GABRG3: variants seen among roughly 807,000 people sequenced by gnomAD.
GABRG3 encodes the protein gamma-aminobutyric acid receptor subunit gamma-3.
Under a neutral mutation model 48.8 loss-of-function variants are expected in GABRG3, and 25 were observed. That is an observed-to-expected ratio of 0.51 (90% CI 0.37 to 0.72). GABRG3 has a LOEUF of 0.72. Among genes scored for constraint, GABRG3 ranks in the 30% least tolerant of loss-of-function variants. The pLI, the probability that GABRG3 is intolerant of heterozygous loss-of-function variation, is 0.00. For synonymous variants in GABRG3, 227 were observed against 217.6 expected (o/e 1.04, Z -0.38); for missense variants, 394 against 577.9 (o/e 0.68, Z 3.26).
chr15:27,357,134 C>T (rs1373119175), intron 5 of GABRG3, among the ~76,000 whole-genome samples: 1 of 152,162 alleles, frequency 6.6e-6, no homozygotes, highest in Non-Finnish European at 1.5e-5. Context: ...CTTGTGATCA[C>T]GGCGCCTCTC....
At chr15:27,210,559 G>A (rs902583094) in intron 3 of GABRG3, among the ~76,000 whole-genome samples, 1 of 152,192 alleles carries the variant, frequency 6.6e-6, no homozygotes, top group Non-Finnish European at 1.5e-5. Context: ...CCAGAGCATT[G>A]CCCACCCTGA....
rs993494549 is a variant in GABRG3 at position 27,001,442 on chromosome 15, A to G, written c.202+24292A>G. On this transcript the variant is annotated intron_variant, in intron 2 of 9. Transcript: ENST00000615808. ...TGTCCAACCCAGCTGACTCCCGCAC[A>G]CAATGCCACTCCACACAATCATCAG... 3.9e-5 allele frequency among the ~76,000 whole-genome samples: 6 copies of G among 152,196 alleles called. No homozygotes were observed. The South Asian group carries it at 1.0e-3, about 26-fold the overall frequency.
intron 3 of GABRG3, among the ~76,000 whole-genome samples, chr15:27,142,920 A>G (rs1169096717): frequency 6.6e-6 from 1 of 151,780 alleles, no homozygotes; most frequent in Non-Finnish European, 1.5e-5. Flanking sequence ...ACATCTGGCT[A>G]ATTTTTGTAG....
At position 26,975,233 on chromosome 15, in the gene GABRG3, T is replaced by A. The variant is rs1242128081; in HGVS notation, c.54-1769T>A. Among the ~76,000 whole-genome samples, 1 of 152,188 alleles carries A rather than the reference T, an allele frequency of 6.6e-6. No homozygotes were observed. The highest frequency in any genetic ancestry group is 2.4e-5 in the African/African-American group (1 of 41,448). ...AAAATTCTGTAGTATTACTTGTAAA[T>A]GTTCACTTTAATAAATAATGAAATG... On this transcript the variant is annotated intron_variant, in intron 1 of 9. Coordinates refer to ENST00000615808, the MANE Select transcript of GABRG3 (RefSeq NM_033223.5). The surrounding 1 kb of genome is among the most constrained non-coding windows in gnomAD (Gnocchi z 4.6).
intron 3 of GABRG3, among the ~76,000 whole-genome samples, chr15:27,250,455 G>A (rs1017621458): frequency 9.2e-5 from 14 of 152,114 alleles, no homozygotes; most frequent in South Asian, 8.3e-4. Context: ...TTTTTGAAAA[G>A]GAGTCTCCCT....
At chr15:27,427,185 A>T (rs772776800) in intron 5 of GABRG3, among the ~76,000 whole-genome samples, 1 of 152,204 alleles carries the variant, frequency 6.6e-6, no homozygotes, top group Non-Finnish European at 1.5e-5. Flanking sequence ...TTGAGTTTTA[A>T]TCCTTTAATA....
chr15:27,041,548 G>C (rs1474726923), intron 3 of GABRG3, among the ~76,000 whole-genome samples: 1 of 152,162 alleles, frequency 6.6e-6, no homozygotes, highest in Non-Finnish European at 1.5e-5. Context: ...TCATGGTGTG[G>C]CTATCCAGTA....
intron 3 of GABRG3, among the ~76,000 whole-genome samples, chr15:27,078,037 A>G (rs1896937570): frequency 6.6e-6 from 1 of 152,166 alleles, no homozygotes; most frequent in African/African-American, 2.4e-5. Flanking sequence ...GGACACACAG[A>G]CGGGGCTTTC....
intron 5 of GABRG3, among the ~76,000 whole-genome samples, chr15:27,357,913 T>G (rs1894894484): frequency 6.6e-6 from 1 of 152,248 alleles, no homozygotes; most frequent in Admixed American, 6.5e-5. Flanking sequence ...TGGTTTATCT[T>G]GTACTTTAAA....
At chr15:27,501,376 A>T (rs554037681) in intron 6 of GABRG3, among the ~76,000 whole-genome samples, 340 of 152,322 alleles carry the variant, frequency 2.2e-3, no homozygotes, top group African/African-American at 7.8e-3. Context: ...AGCAAGCTCT[A>T]CAAGTCTTCC....
At chr15:27,103,769 G>GC (rs1372398706) in intron 3 of GABRG3, among the ~76,000 whole-genome samples, 8 of 152,184 alleles carry the variant, frequency 5.3e-5, no homozygotes, top group South Asian at 2.1e-4. Context: ...ACCGCTCAAG[G>GC]TGACCTCAGA....
intron 5 of GABRG3, among the ~76,000 whole-genome samples, chr15:27,419,791 ATG>A (rs1888055429): frequency 6.6e-6 from 1 of 152,162 alleles, no homozygotes; most frequent in Non-Finnish European, 1.5e-5. Flanking sequence ...GCTCAAAACC[ATG>A]TTGAATTTTG....
intron 3 of GABRG3, among the ~76,000 whole-genome samples, chr15:27,154,215 T>A (rs1295332743): frequency 6.6e-6 from 1 of 152,180 alleles, no homozygotes; most frequent in Non-Finnish European, 1.5e-5. Context: ...TGTGGCATGG[T>A]GTAGCAAGAG....
chr15:27,095,105 G>T (rs909420813), intron 3 of GABRG3, among the ~76,000 whole-genome samples: 1 of 152,106 alleles, frequency 6.6e-6, no homozygotes, highest in African/African-American at 2.4e-5. Context: ...TCGCCACACC[G>T]ATGTCTCCCA....
At chr15:27,383,879 T>G (rs552620753) in intron 5 of GABRG3, among the ~76,000 whole-genome samples, 1 of 152,292 alleles carries the variant, frequency 6.6e-6, no homozygotes, top group Admixed American at 6.5e-5. Context: ...AACAGCAAAA[T>G]TCCATGTTCG....
intron 2 of GABRG3, among the ~76,000 whole-genome samples, chr15:27,006,055 G>T (rs1895577775): frequency 6.6e-6 from 1 of 152,132 alleles, no homozygotes; most frequent in Non-Finnish European, 1.5e-5. Flanking sequence ...AACATCATTT[G>T]ATCTTGTATA....
At chr15:27,262,417 T>A (rs1421669491) in intron 3 of GABRG3, among the ~76,000 whole-genome samples, 1 of 152,170 alleles carries the variant, frequency 6.6e-6, no homozygotes, top group South Asian at 2.1e-4. Flanking sequence ...TAGTGATTCC[T>A]TTCTCCATCT....
chr15:27,032,828 G>A (rs1896108937), intron 3 of GABRG3, among the ~76,000 whole-genome samples: 1 of 145,002 alleles, frequency 6.9e-6, no homozygotes, highest in East Asian at 1.9e-4. Context: ...GAGGCATTGA[G>A]TGGTTTTTCC....
intron 3 of GABRG3, among the ~76,000 whole-genome samples, chr15:27,113,779 G>A (rs540923873): frequency 6.0e-4 from 91 of 152,258 alleles, no homozygotes; most frequent in Non-Finnish European, 1.2e-3. Flanking sequence ...ATGTTTAATC[G>A]CAGGTGGGGA....
Sources: allele counts gnomAD v4.1 joint callset (sites outside exome capture counted in the v4.1 genomes callset), GRCh38; gene constraint gnomAD v4.1.1; non-coding constraint Gnocchi (gnomAD v3.1); transcripts MANE v1.5; gene names NCBI Gene and HGNC (gene_info 2026-07-23, HGNC 2026-07-21).